TBC1D5: variants seen among roughly 807,000 people sequenced by gnomAD.
TBC1D5 encodes the protein TBC1 domain family, member 5.
A neutral mutation model predicts 100.3 loss-of-function variants in TBC1D5; 75 were observed. That is an observed-to-expected ratio of 0.75 (90% confidence interval 0.62 to 0.91). The LOEUF (loss-of-function observed/expected upper bound fraction) is 0.91. Ranked by LOEUF, TBC1D5 falls within the 40% of genes least tolerant of loss-of-function variation. The pLI, the probability that TBC1D5 is intolerant of heterozygous loss-of-function variation, is 0.00. For missense variants in TBC1D5, 910 were observed against 942.4 expected (o/e 0.97, Z 0.45); for synonymous variants, 323 against 325.6 (o/e 0.99, Z 0.09).
intron 19 of TBC1D5, among the ~76,000 whole-genome samples, chr3:17,176,651 A>T (rs2247855): frequency 6.6e-6 from 1 of 151,734 alleles, no homozygotes; most frequent in Admixed American, 6.6e-5. Context: ...GGCCTGTTGG[A>T]GGGTGAGGGG....
intron 1 of TBC1D5, among the ~76,000 whole-genome samples, chr3:17,644,359 C>T (rs918447503): frequency 1.3e-5 from 2 of 152,084 alleles, no homozygotes; most frequent in Non-Finnish European, 2.9e-5. Flanking sequence ...TAACGTCACC[C>T]AGAATACACG....
At chr3:17,643,720 C>T (rs949498520) in intron 1 of TBC1D5, among the ~76,000 whole-genome samples, 12 of 152,038 alleles carry the variant, frequency 7.9e-5, no homozygotes, top group South Asian at 2.1e-4. Context: ...TCCCTGAATC[C>T]GATGTCTAGC....
At chr3:17,253,852 G>A (rs530851793) in intron 16 of TBC1D5, among the ~76,000 whole-genome samples, 1 of 152,314 alleles carries the variant, frequency 6.6e-6, no homozygotes, top group South Asian at 2.1e-4. Context: ...GAACTACACG[G>A]GTGCACTTAC....
intron 13 of TBC1D5, among the ~76,000 whole-genome samples, chr3:17,368,792 C>G (rs1243077377): frequency 2.6e-5 from 4 of 151,790 alleles, no homozygotes; most frequent in African/African-American, 7.3e-5. Flanking sequence ...TATAAAATAT[C>G]TGGCATGCAA....
chr3:17,336,502 C>A lies in TBC1D5; in HGVS notation c.996-28368G>T, dbSNP rs533662913. Among the ~76,000 whole-genome samples, 5 of 152,188 alleles carry A rather than the reference C, an allele frequency of 3.3e-5. No homozygotes were observed. In the East Asian group the frequency reaches 9.6e-4, roughly 29 times the overall value. ...AAATAGGTCACGGCTGAGGTCTCTG[C>A]AACTCTCTTTGGCATTCATTCAAAG... is the stretch of plus-strand genomic sequence containing the variant. On this transcript the variant is annotated intron_variant, in intron 13 of 21. Coordinates refer to ENST00000253692, the Ensembl canonical transcript of TBC1D5.
intron 3 of TBC1D5, among the ~76,000 whole-genome samples, chr3:17,469,335 A>T (rs1176671054): frequency 6.6e-6 from 1 of 152,188 alleles, no homozygotes; most frequent in African/African-American, 2.4e-5. Context: ...TTCCAAAAGA[A>T]ATTTCTTATG....
chr3:17,700,807 G>T (rs868744964), intron 1 of TBC1D5, among the ~76,000 whole-genome samples: 1 of 152,060 alleles, frequency 6.6e-6, no homozygotes, highest in Non-Finnish European at 1.5e-5. Context: ...TGAGAATGGC[G>T]ATCATTAAAA....
chr3:17,481,891 C>T (rs151107635), intron 3 of TBC1D5, among the ~76,000 whole-genome samples: 3,381 of 152,276 alleles, frequency 0.022, 119 homozygotes, highest in African/African-American at 0.076. Context: ...CAGGCATGTG[C>T]CACCACGCCT....
At chr3:17,654,357 C>G (rs768775454) in intron 1 of TBC1D5, among the ~76,000 whole-genome samples, 21 of 152,050 alleles carry the variant, frequency 1.4e-4, no homozygotes, top group Non-Finnish European at 2.6e-4. Context: ...ATGTAATTAA[C>G]AAATCAGTTT....
At position 17,258,726 on chromosome 3, in the gene TBC1D5, G is replaced by T. The variant is rs2077988911; in HGVS notation, c.1246-135C>A. ...ATAAAGTTTAATAATTAGTGTGATT[G>T]GGTTTTGCTTTTATTAAATTATTCC... On this transcript the variant is annotated intron_variant, in intron 15 of 21. Coordinates refer to ENST00000253692, the Ensembl canonical transcript of TBC1D5. 4 of 556,934 alleles carry T rather than the reference G, an allele frequency of 7.2e-6. No homozygotes were observed. In the Admixed American group the frequency reaches 1.2e-4, roughly 17 times the overall value. The allele number at this position is 556,934 out of a possible 1,614,324, so 34.5% of individuals were successfully genotyped here.
intron 16 of TBC1D5, among the ~76,000 whole-genome samples, chr3:17,239,662 A>G (rs980626994): frequency 1.3e-5 from 2 of 152,012 alleles, no homozygotes; most frequent in Non-Finnish European, 2.9e-5. Flanking sequence ...AGCAGCTATC[A>G]ACTCTCTTAA....
At chr3:17,356,805 C>A (rs1055405105) in intron 13 of TBC1D5, among the ~76,000 whole-genome samples, 1 of 152,130 alleles carries the variant, frequency 6.6e-6, no homozygotes, top group Admixed American at 6.6e-5. Flanking sequence ...TTCTGAAATG[C>A]AGATCCTGGG....
chr3:17,611,806 CTA>C lies in TBC1D5; in HGVS notation c.-36+12041_-36+12042del, dbSNP rs146609269. ...AGAAAGTGAAATGATATGGAGGATTCTATGTTATAATGCCTATAAAATGCTAA... is the reference window on the plus strand; with the variant it reads ...AGAAAGTGAAATGATATGGAGGATTCTGTTATAATGCCTATAAAATGCTAA... On this transcript the variant is annotated intron_variant, in intron 2 of 21. Transcript: ENST00000253692. 6.8e-3 allele frequency among the ~76,000 whole-genome samples: 1,039 copies of C among 152,234 alleles called. 12 individuals carry two copies. Among genetic ancestry groups the C allele is most frequent in the African/African-American group, 0.024 (1,002 of 41,534 alleles).
intron 16 of TBC1D5, among the ~76,000 whole-genome samples, chr3:17,255,905 G>T (rs530366326): frequency 6.6e-6 from 1 of 152,196 alleles, no homozygotes; most frequent in Admixed American, 6.5e-5. Flanking sequence ...GCGTGGCAGC[G>T]TGCGCCTGTA....
At chr3:17,158,366 A>T (rs1486237357) in exon 22 of TBC1D5, 1 of 152,242 alleles carries the variant, frequency 6.6e-6, no homozygotes, top group Non-Finnish European at 1.5e-5. Flanking sequence ...TTCAGGATTT[A>T]AAAAATGTAC....
At chr3:17,502,827 C>G (rs2095801479) in intron 3 of TBC1D5, among the ~76,000 whole-genome samples, 1 of 149,468 alleles carries the variant, frequency 6.7e-6, no homozygotes. Flanking sequence ...AACTGTATGT[C>G]ACTGCAAACT....
At chr3:17,251,531 TTTTA>T (rs1443624704) in intron 16 of TBC1D5, among the ~76,000 whole-genome samples, 1 of 149,186 alleles carries the variant, frequency 6.7e-6, no homozygotes, top group Non-Finnish European at 1.5e-5. Flanking sequence ...GGCAATGGGC[TTTTA>T]TTTGTGTTGC....
At chr3:17,719,124 TTAAA>T (rs1577765608) in intron 1 of TBC1D5, among the ~76,000 whole-genome samples, 1 of 152,300 alleles carries the variant, frequency 6.6e-6, no homozygotes, top group South Asian at 2.1e-4. Flanking sequence ...TTATAGTTTC[TTAAA>T]TAAACTTTTT....
chr3:17,409,678 G>C (rs2149074894), intron 4 of TBC1D5, among the ~76,000 whole-genome samples: 1 of 152,170 alleles, frequency 6.6e-6, no homozygotes, highest in Middle Eastern at 3.4e-3. Context: ...CGCTGATACA[G>C]AGAAAGTTTG....
Sources: allele counts gnomAD v4.1 joint callset (sites outside exome capture counted in the v4.1 genomes callset), GRCh38; gene constraint gnomAD v4.1.1; transcripts MANE v1.5; gene names NCBI Gene and HGNC (gene_info 2026-07-23, HGNC 2026-07-21).